The following NXN variants were observed in gnomAD, a reference collection of about 807,000 sequenced individuals.
NXN encodes the protein nucleoredoxin, also known as nucleoredoxin 1.
Under a neutral mutation model 48.6 loss-of-function variants are expected in NXN, and 16 were observed. The ratio of observed to expected loss-of-function variants is 0.33; its 90% CI spans 0.22 to 0.50. The LOEUF (loss-of-function observed/expected upper bound fraction) is 0.50. Ranked by LOEUF, NXN falls within the 20% of genes least tolerant of loss-of-function variation. The probability of loss-of-function intolerance (pLI) is 0.98; values close to 1 mark genes in which losing one functional copy is unlikely to be tolerated. For missense variants in NXN, 492 were observed against 605.5 expected (o/e 0.81, Z 1.97); for synonymous variants, 281 against 269.6 (o/e 1.04, Z -0.41).
intron 1 of NXN, among the ~76,000 whole-genome samples, chr17:900,278 AG>A (rs1182786902): frequency 1.9e-5 from 1 of 52,796 alleles, no homozygotes; most frequent in Non-Finnish European, 4.4e-5. Context: ...AAACAAAAAA[AG>A]GAAAAAAAAA....
chr17:806,942 A>G (rs896125534), intron 5 of NXN, among the ~76,000 whole-genome samples: 5 of 149,358 alleles, frequency 3.3e-5, no homozygotes, highest in South Asian at 2.1e-4. Flanking sequence ...ACACACACAC[A>G]CACACGCACG....
chr17:881,777 CA>C (rs1401084741), intron 1 of NXN, among the ~76,000 whole-genome samples: 13 of 152,126 alleles, frequency 8.5e-5, no homozygotes, highest in African/African-American at 3.1e-4. Flanking sequence ...CACTTCTCAG[CA>C]ATAAGAAGGA....
At position 825,940 on chromosome 17, in the gene NXN, A is replaced by C; in HGVS notation, c.478+21T>G. On this transcript the variant is annotated intron_variant, in intron 2 of 7. Coordinates refer to ENST00000336868, the MANE Select transcript of NXN (RefSeq NM_022463.5). This position sits in a 1 kb window ranked among gnomAD's most constrained non-coding sequence, Gnocchi z 4.1. Reference sequence around the variant, plus strand: ...GAGGGCTGGGTAATAAGAGGACCATATGCACGGGCTGAGGTTTTACCTTCT... The same window carrying C: ...GAGGGCTGGGTAATAAGAGGACCATCTGCACGGGCTGAGGTTTTACCTTCT... The C allele has an allele frequency of 6.7e-7, 1 of 1,501,220 alleles. No homozygotes were observed. 93.0% of individuals were successfully genotyped at this position (1,501,220 alleles called of 1,614,324 possible).
chr17:921,223 G>C (rs1166324705), intron 1 of NXN, among the ~76,000 whole-genome samples: 1 of 152,038 alleles, frequency 6.6e-6, no homozygotes, highest in Non-Finnish European at 1.5e-5. Context: ...ACAGGGTCAA[G>C]TCTTTACCAC....
chr17:844,525 C>T (rs2067838542), intron 1 of NXN, among the ~76,000 whole-genome samples: 1 of 152,198 alleles, frequency 6.6e-6, no homozygotes, highest in Admixed American at 6.6e-5. Context: ...AATGAAAGGA[C>T]TTTGCAAAAA....
At chr17:966,024 G>A (rs1340973355) in intron 1 of NXN, among the ~76,000 whole-genome samples, 2 of 151,752 alleles carry the variant, frequency 1.3e-5, no homozygotes, top group Non-Finnish European at 2.9e-5. Flanking sequence ...GCTGAGGCAA[G>A]AGAATCACTT....
At position 825,652 on chromosome 17, in the gene NXN, C is replaced by CGG; in HGVS notation, c.478+307_478+308dup. ...CCGCCACGGATGCAGCACTAGAGGC[C>CGG]GGGGTCTGAGCTCTCCGCTTTCCCA... On this transcript the variant is annotated intron_variant, in intron 2 of 7. Coordinates refer to ENST00000336868, the MANE Select transcript of NXN (RefSeq NM_022463.5). The surrounding 1 kb of genome is among the most constrained non-coding windows in gnomAD (Gnocchi z 4.1). The CGG allele has an allele frequency of 3.6e-6, 1 of 275,052 alleles. No homozygotes were observed. The highest frequency in any genetic ancestry group is 6.8e-6 in the Non-Finnish European group (1 of 146,624). The allele number at this position is 275,052 out of a possible 1,614,324, so 17.0% of individuals were successfully genotyped here.
intron 1 of NXN, chr17:896,855 C>CCCGGGGGG: frequency 1.8e-6 from 2 of 1,102,004 alleles, no homozygotes; most frequent in Non-Finnish European, 2.4e-6. Context: ...GCGGTCCTGA[C>CCCGGGGGG]CACCCGCCCC....
At chr17:889,620 T>C (rs2068387420) in intron 1 of NXN, among the ~76,000 whole-genome samples, 1 of 150,864 alleles carries the variant, frequency 6.6e-6, no homozygotes, top group African/African-American at 2.4e-5. Flanking sequence ...GAGGTTGCAG[T>C]GAGCCGAGAT....
At chr17:959,984 C>T (rs530449573) in intron 1 of NXN, among the ~76,000 whole-genome samples, 2 of 152,046 alleles carry the variant, frequency 1.3e-5, no homozygotes, top group African/African-American at 2.4e-5. Context: ...CACAGCTACT[C>T]GGGACACTGA....
chr17:824,109 A>G (rs684337), intron 2 of NXN, among the ~76,000 whole-genome samples: 100,561 of 149,364 alleles, frequency 0.67, 34,537 homozygotes, highest in African/African-American at 0.82. Flanking sequence ...GCGCAATCTC[A>G]GCTCACTGCA....
At chr17:865,939 C>T (rs2068091162) in intron 1 of NXN, among the ~76,000 whole-genome samples, 1 of 151,662 alleles carries the variant, frequency 6.6e-6, no homozygotes, top group South Asian at 2.1e-4. Context: ...GCTAAGATCG[C>T]GGCATTGCAC....
chr17:824,907 A>G (rs977648284), intron 2 of NXN, among the ~76,000 whole-genome samples: 1 of 152,154 alleles, frequency 6.6e-6, no homozygotes, highest in African/African-American at 2.4e-5. Context: ...AACAAGAGGG[A>G]TCCACAATGC....
At chr17:946,529 A>G (rs2069045828) in intron 1 of NXN, among the ~76,000 whole-genome samples, 1 of 152,186 alleles carries the variant, frequency 6.6e-6, no homozygotes, top group Non-Finnish European at 1.5e-5. Context: ...CCCTCTTGCA[A>G]GAGTCCGTAG....
At chr17:823,025 G>A (rs969069523) in intron 3 of NXN, among the ~76,000 whole-genome samples, 2 of 151,858 alleles carry the variant, frequency 1.3e-5, no homozygotes, top group African/African-American at 2.4e-5. Context: ...ACTTGAACCC[G>A]GGAGACAGAG....
chr17:973,281 G>A (rs1039503993), intron 1 of NXN, among the ~76,000 whole-genome samples: 13 of 152,170 alleles, frequency 8.5e-5, no homozygotes, highest in Non-Finnish European at 1.3e-4. Context: ...CGCTAGAGGT[G>A]GCGTTTCTAC....
In NXN at chr17:812,556, AGTGT is replaced by A. The variant is rs202108082; in HGVS notation, c.820+6879_820+6882del. Among the ~76,000 whole-genome samples, 27 of 151,630 alleles carry A rather than the reference AGTGT, an allele frequency of 1.8e-4. No homozygotes were observed. In the East Asian group the frequency reaches 3.1e-3, roughly 17 times the overall value. The stretch of plus-strand genomic sequence containing the variant: ...CCAACAGCCAGGACCCTGCAGAGCG[AGTGT>A]GTGTGTGAGTCTGTGTGTGCACGTG... On this transcript the variant is annotated intron_variant, in intron 5 of 7. Transcript: ENST00000336868.
At chr17:921,859 C>CACTG (rs1240410671) in intron 1 of NXN, among the ~76,000 whole-genome samples, 1 of 152,210 alleles carries the variant, frequency 6.6e-6, no homozygotes, top group African/African-American at 2.4e-5. Flanking sequence ...CCTCATTGGC[C>CACTG]ACTGGCATCT....
intron 1 of NXN, among the ~76,000 whole-genome samples, chr17:881,753 C>G (rs1403805230): frequency 2.6e-5 from 4 of 152,194 alleles, no homozygotes; most frequent in Admixed American, 6.5e-5. Flanking sequence ...TGACAAGATG[C>G]TCGTCCAATG....
Sources: gnomAD v4.1 joint callset for allele counts (sites outside exome capture counted in the v4.1 genomes callset) on GRCh38, gnomAD v4.1.1 for gene constraint, Gnocchi (gnomAD v3.1) non-coding constraint, MANE v1.5 for transcripts, NCBI Gene and HGNC (gene_info 2026-07-23, HGNC 2026-07-21) for gene names.